The following TMEM45A variants were observed in gnomAD, a reference collection of about 807,000 sequenced individuals.
The protein encoded by TMEM45A is DNA polymerase-transactivated protein 4.
Under a neutral mutation model 32.0 loss-of-function variants are expected in TMEM45A, and 25 were observed. The observed-to-expected ratio is 0.78, with a 90% CI of 0.57 to 1.09. The LOEUF is 1.09. Among genes scored for constraint, TMEM45A ranks in the 50% least tolerant of loss-of-function variants. TMEM45A has a pLI of 0.00. For synonymous variants in TMEM45A, 122 were observed against 114.8 expected, an observed-to-expected ratio of 1.06 and a Z score of -0.40; for missense variants, 302 against 325.0, an observed-to-expected ratio of 0.93 and a Z score of 0.54.
intron 4 of TMEM45A, among the ~76,000 whole-genome samples, chr3:100,561,112 C>A (rs1364799229): frequency 6.6e-6 from 1 of 152,160 alleles, no homozygotes; most frequent in African/African-American, 2.4e-5. Flanking sequence ...CAAACACACA[C>A]ACTGGCAGGA....
intron 1 of TMEM45A, among the ~76,000 whole-genome samples, chr3:100,494,943 G>A (rs953291533): frequency 6.6e-6 from 1 of 152,162 alleles, no homozygotes; most frequent in Non-Finnish European, 1.5e-5. Flanking sequence ...ACATCATGGG[G>A]TTGTCTCGAG....
intron 1 of TMEM45A, among the ~76,000 whole-genome samples, chr3:100,538,662 CCAAA>C (rs1705789390): frequency 6.6e-6 from 1 of 151,858 alleles, no homozygotes; most frequent in African/African-American, 2.4e-5. Context: ...GTAGAAAATC[CCAAA>C]CAATCAACAA....
chr3:100,519,513 T>G, intron 1 of TMEM45A: 1 of 1,543,318 alleles, frequency 6.5e-7, no homozygotes, highest in Non-Finnish European at 8.8e-7. Context: ...GCTGCTTCAT[T>G]CTTATCTCTT....
chr3:100,521,444 G>A (rs1705435735), intron 1 of TMEM45A, among the ~76,000 whole-genome samples: 1 of 152,070 alleles, frequency 6.6e-6, no homozygotes, highest in Non-Finnish European at 1.5e-5. Context: ...GTAGAGATGG[G>A]GTTTCTCCGT....
intron 2 of TMEM45A, among the ~76,000 whole-genome samples, chr3:100,556,339 A>G (rs771589654): frequency 6.6e-6 from 1 of 152,208 alleles, no homozygotes; most frequent in Non-Finnish European, 1.5e-5. Flanking sequence ...TAGCATTTTT[A>G]TCTGGTACCA....
chr3:100,556,661 A>G, intron 2 of TMEM45A, 99 bp from the exon 3 acceptor site: 1 of 1,101,452 alleles, frequency 9.1e-7, no homozygotes, highest in Non-Finnish European at 1.3e-6. Context: ...ATGTCAAAAG[A>G]GGACATTAGA....
intron 1 of TMEM45A, among the ~76,000 whole-genome samples, chr3:100,496,754 T>C (rs1707935523): frequency 6.6e-6 from 1 of 152,212 alleles, no homozygotes; most frequent in Admixed American, 6.5e-5. Context: ...TAGCACCTGG[T>C]TGTCTAGCAG....
chr3:100,552,862 T>C (rs570188207), intron 1 of TMEM45A, among the ~76,000 whole-genome samples: 1 of 152,090 alleles, frequency 6.6e-6, no homozygotes, highest in South Asian at 2.1e-4. Context: ...TTTCAAGGAG[T>C]TTATTCTCTA....
chr3:100,533,097 C>A (rs772858576), intron 1 of TMEM45A, among the ~76,000 whole-genome samples: 2 of 151,998 alleles, frequency 1.3e-5, no homozygotes, highest in Non-Finnish European at 2.9e-5. Flanking sequence ...ATAATAGGAG[C>A]CCAGTCATTA....
At chr3:100,533,447 G>C (rs1028323053) in intron 1 of TMEM45A, among the ~76,000 whole-genome samples, 2 of 152,034 alleles carry the variant, frequency 1.3e-5, no homozygotes, top group Non-Finnish European at 2.9e-5. Flanking sequence ...GCACAGCACA[G>C]CACACCACAC....
At chr3:100,499,761 C>T (rs1177555161) in intron 1 of TMEM45A, among the ~76,000 whole-genome samples, 1 of 152,118 alleles carries the variant, frequency 6.6e-6, no homozygotes. Context: ...CCTGTAATCC[C>T]AGCTACTTAG....
At chr3:100,534,959 TC>T (rs1207953963) in intron 1 of TMEM45A, among the ~76,000 whole-genome samples, 1 of 116,626 alleles carries the variant, frequency 8.6e-6, no homozygotes, top group Non-Finnish European at 1.8e-5. Flanking sequence ...TCTGCTCAGC[TC>T]AGCTCTGCAC....
At chr3:100,521,500 G>A (rs904229332) in intron 1 of TMEM45A, among the ~76,000 whole-genome samples, 16 of 152,130 alleles carry the variant, frequency 1.1e-4, no homozygotes, top group African/African-American at 2.2e-4. Context: ...TGATCTGCCC[G>A]CCTGGGCCTT....
chr3:100,548,800 A>G lies in TMEM45A; in HGVS notation c.-3-6409A>G, dbSNP rs1706031624. ...GCCTGAAGTGTCCCTGTACAATGCAAGTGATGATTAGAAGAGCATCCCAAA... is the reference window on the plus strand; with the variant it reads ...GCCTGAAGTGTCCCTGTACAATGCAGGTGATGATTAGAAGAGCATCCCAAA... On this transcript the variant is annotated intron_variant, in intron 1 of 5. Transcript: ENST00000323523. Among the ~76,000 whole-genome samples the G allele has an allele frequency of 2.6e-5, 4 of 152,214 alleles. No individual in the cohort carries two copies. In the South Asian group the frequency reaches 8.3e-4, roughly 32 times the overall value.
rs1706704704 is a variant in TMEM45A at position 100,577,013 on chromosome 3, A to G, written c.823A>G (p.Met275Val). 1 of 1,612,192 alleles carries G rather than the reference A, an allele frequency of 6.2e-7. No homozygotes were observed. Among genetic ancestry groups the G allele is most frequent in the Non-Finnish European group, 8.5e-7 (1 of 1,179,436 alleles). Residue 275 changes from methionine to valine, a missense_variant, in exon 6 of 6, where the codon ATG becomes GTG. Met to Val is a conservative substitution (Grantham distance 21). Coordinates refer to ENST00000323523, the MANE Select transcript of TMEM45A (RefSeq NM_018004.3). The stretch of plus-strand genomic sequence containing the variant: ...ACGAGAACAAGAATCAGAAGAAGAA[A>G]TGTGACTTTGATGAGCTTCCAGTTT... The part of the protein sequence containing the change: ...AEREQESEEE[M>V]
intron 1 of TMEM45A, among the ~76,000 whole-genome samples, chr3:100,533,623 A>G (rs1258746247): frequency 6.6e-6 from 1 of 152,082 alleles, no homozygotes; most frequent in African/African-American, 2.4e-5. Flanking sequence ...TGAGCTCAGC[A>G]TGCCTCCCAG....
chr3:100,536,231 C>T (rs1245366466), intron 1 of TMEM45A, among the ~76,000 whole-genome samples: 1 of 152,112 alleles, frequency 6.6e-6, no homozygotes, highest in East Asian at 1.9e-4. Context: ...TGAGAAATTC[C>T]ATCCTGGATC....
intron 1 of TMEM45A, among the ~76,000 whole-genome samples, chr3:100,531,201 A>T (rs1228407364): frequency 2.0e-5 from 3 of 152,154 alleles, no homozygotes; most frequent in Admixed American, 6.5e-5. Flanking sequence ...ATTTCATTAT[A>T]GTTTTTCCTA....
chr3:100,534,903 A>C (rs1705713359), intron 1 of TMEM45A, among the ~76,000 whole-genome samples: 1 of 152,050 alleles, frequency 6.6e-6, no homozygotes, highest in Non-Finnish European at 1.5e-5. Flanking sequence ...TGGGCTGATG[A>C]CCTCACACAC....
Sources: allele counts gnomAD v4.1 joint callset (sites outside exome capture counted in the v4.1 genomes callset), GRCh38; gene constraint gnomAD v4.1.1; transcripts MANE v1.5; gene names NCBI Gene and HGNC (gene_info 2026-07-23, HGNC 2026-07-21).